The following LRRC4C variants were observed in gnomAD, a reference collection of about 807,000 sequenced individuals.
The protein encoded by LRRC4C is leucine rich repeat containing 4C.
LRRC4C carries 5 observed loss-of-function variants against 33.6 expected under a neutral mutation model. The ratio of observed to expected loss-of-function variants is 0.15; its 90% CI spans 0.08 to 0.31. LRRC4C has a LOEUF of 0.31. Ranked by LOEUF, LRRC4C falls within the 10% of genes least tolerant of loss-of-function variation. The probability of loss-of-function intolerance (pLI) is 1.00; values close to 1 mark genes in which losing one functional copy is unlikely to be tolerated. For missense variants in LRRC4C, 560 were observed against 796.7 expected, an observed-to-expected ratio of 0.70 and a Z score of 3.58; for synonymous variants, 329 against 302.0, an observed-to-expected ratio of 1.09 and a Z score of -0.93.
intron 2 of LRRC4C, among the ~76,000 whole-genome samples, chr11:40,648,789 A>G (rs1370638587): frequency 6.6e-6 from 1 of 152,198 alleles, no homozygotes; most frequent in East Asian, 1.9e-4. Flanking sequence ...CCCACTCCCA[A>G]TATTTCAGCG....
At chr11:40,566,681 A>G (rs920712446) in intron 3 of LRRC4C, among the ~76,000 whole-genome samples, 1 of 152,128 alleles carries the variant, frequency 6.6e-6, no homozygotes, top group African/African-American at 2.4e-5. Context: ...GCTAATGAAC[A>G]TAGGTAGCAA....
At chr11:40,195,709 A>C (rs1862205673) in intron 5 of LRRC4C, among the ~76,000 whole-genome samples, 1 of 151,558 alleles carries the variant, frequency 6.6e-6, no homozygotes, top group Non-Finnish European at 1.5e-5. Context: ...TATGGCAAAT[A>C]AAAAAATTGT....
At chr11:40,340,790 C>A (rs1946831552) in intron 3 of LRRC4C, among the ~76,000 whole-genome samples, 1 of 152,018 alleles carries the variant, frequency 6.6e-6, no homozygotes, top group Admixed American at 6.6e-5. Flanking sequence ...ATTCTGGTTC[C>A]TGATCACTAA....
intron 3 of LRRC4C, among the ~76,000 whole-genome samples, chr11:40,458,466 A>C (rs1952238516): frequency 6.6e-6 from 1 of 152,178 alleles, no homozygotes; most frequent in Admixed American, 6.6e-5. Flanking sequence ...TCTTTCAAAC[A>C]TCATAAAATA....
In LRRC4C at chr11:40,114,831, T is replaced by C; in HGVS notation, c.1462A>G (p.Asn488Asp). The change falls in exon 7 of 7, where the codon AAT becomes GAT. Residue 488 changes from asparagine to aspartate, a missense_variant. Coordinates refer to ENST00000528697, the MANE Select transcript of LRRC4C (RefSeq NM_001258419.2). ...TGTGGTGTGAGAGAGGTGGTCACAT[T>C]GGTGGTCTCCCAGTCGACCACTGGA... ...PTPVVDWETTNVTTSLTPQST... is the reference protein window; with the variant it reads ...PTPVVDWETTDVTTSLTPQST... The C allele has an allele frequency of 6.2e-7, 1 of 1,614,102 alleles. No homozygotes were observed. The highest frequency in any genetic ancestry group is 8.5e-7 in the Non-Finnish European group (1 of 1,180,004).
At chr11:40,459,370 A>G in intron 3 of LRRC4C, among the ~76,000 whole-genome samples, 1 of 152,152 alleles carries the variant, frequency 6.6e-6, no homozygotes, top group East Asian at 1.9e-4. Context: ...CAGAGCAGTG[A>G]TCGTCAGCAC....
intron 1 of LRRC4C, among the ~76,000 whole-genome samples, chr11:41,133,476 T>TCC (rs199931314): frequency 4.2e-4 from 59 of 141,912 alleles, no homozygotes; most frequent in South Asian, 1.3e-3. Context: ...AAAATCCTAA[T>TCC]CCCCCCCCCG....
chr11:40,459,450 TA>T (rs1952290143), intron 3 of LRRC4C, among the ~76,000 whole-genome samples: 1 of 152,156 alleles, frequency 6.6e-6, no homozygotes. Context: ...AAGGAAGCAT[TA>T]TAACTTATTA....
intron 3 of LRRC4C, among the ~76,000 whole-genome samples, chr11:40,496,970 C>A (rs78275529): frequency 6.6e-6 from 1 of 152,144 alleles, no homozygotes; most frequent in Admixed American, 6.5e-5. Flanking sequence ...TCTTAGCGTC[C>A]TCTCATGGCT....
intron 5 of LRRC4C, among the ~76,000 whole-genome samples, chr11:40,233,566 A>G (rs1411692737): frequency 1.3e-5 from 2 of 152,178 alleles, no homozygotes; most frequent in African/African-American, 4.8e-5. Context: ...TATTTTTTTA[A>G]AAAAGACAAA....
chr11:41,041,905 T>C (rs1262146203), intron 1 of LRRC4C, among the ~76,000 whole-genome samples: 1 of 152,186 alleles, frequency 6.6e-6, no homozygotes, highest in African/African-American at 2.4e-5. Context: ...ATGTACACTT[T>C]TGAAAATTTT....
At chr11:40,199,375 A>C (rs1431081382) in intron 5 of LRRC4C, among the ~76,000 whole-genome samples, 1 of 152,114 alleles carries the variant, frequency 6.6e-6, no homozygotes, top group African/African-American at 2.4e-5. Context: ...CCAGCCTGGC[A>C]AAGGGTTATT....
chr11:41,291,877 G>A (rs1042121676), intron 1 of LRRC4C, among the ~76,000 whole-genome samples: 1 of 152,190 alleles, frequency 6.6e-6, no homozygotes, highest in African/African-American at 2.4e-5. Flanking sequence ...ACTTAACACT[G>A]TAGAGATTTC....
At chr11:40,281,205 C>G (rs1943451984) in intron 4 of LRRC4C, among the ~76,000 whole-genome samples, 1 of 152,144 alleles carries the variant, frequency 6.6e-6, no homozygotes, top group Non-Finnish European at 1.5e-5. Context: ...CCTTCCTGCA[C>G]ACCACTGTGT....
intron 1 of LRRC4C, among the ~76,000 whole-genome samples, chr11:41,327,893 T>C (rs900903795): frequency 2.0e-5 from 3 of 152,204 alleles, no homozygotes; most frequent in South Asian, 2.1e-4. Context: ...CCAGCCATGA[T>C]GAAATGTGAG....
intron 2 of LRRC4C, among the ~76,000 whole-genome samples, chr11:40,775,629 T>C (rs1949960582): frequency 6.6e-6 from 1 of 152,216 alleles, no homozygotes; most frequent in Non-Finnish European, 1.5e-5. Context: ...ATTGATTTTG[T>C]ATACTAAACT....
At chr11:40,313,378 A>G (rs541924330) in intron 4 of LRRC4C, among the ~76,000 whole-genome samples, 13 of 152,040 alleles carry the variant, frequency 8.6e-5, no homozygotes, top group Middle Eastern at 3.4e-3. Context: ...ATTAATTCAC[A>G]TATCTATAGC....
Position 40,115,588 on chromosome 11 carries a change from C to T in LRRC4C, c.705G>A (p.Arg235=), listed in dbSNP as rs1184025023. 6.2e-7 allele frequency: 1 copy of T among 1,614,148 alleles called. No individual in the cohort carries two copies. The highest frequency in any genetic ancestry group is 8.5e-7 in the Non-Finnish European group (1 of 1,180,012). Reference sequence around the variant, plus strand: ...GCATCAAACCCTGGAAAGAGCCAGGCCTGATGGCAGATAAATGATTCCCAG... The same window carrying T: ...GCATCAAACCCTGGAAAGAGCCAGGTCTGATGGCAGATAAATGATTCCCAG... ...DLSGNHLSAI[R]PGSFQGLMHL... Residue 235 remains arginine, a synonymous_variant, in exon 7 of 7, where the codon AGG becomes AGA. Transcript: ENST00000528697. The surrounding 1 kb of genome is among the most constrained non-coding windows in gnomAD (Gnocchi z 6.7).
chr11:40,715,666 T>G (rs755394124), intron 2 of LRRC4C, among the ~76,000 whole-genome samples: 8 of 152,138 alleles, frequency 5.3e-5, no homozygotes, highest in Non-Finnish European at 1.2e-4. Context: ...GAACAGAATA[T>G]GGCAAGGAAA....
Sources: gnomAD v4.1 joint callset for allele counts (sites outside exome capture counted in the v4.1 genomes callset) on GRCh38, gnomAD v4.1.1 for gene constraint, Gnocchi (gnomAD v3.1) non-coding constraint, MANE v1.5 for transcripts, NCBI Gene and HGNC (gene_info 2026-07-23, HGNC 2026-07-21) for gene names.